The following WNK2 variants were observed in gnomAD, a reference collection of about 807,000 sequenced individuals.
WNK2 encodes serine/threonine-protein kinase WNK2.
WNK2 carries 67 observed loss-of-function variants against 192.1 expected under a neutral mutation model. The observed-to-expected ratio is 0.35, with a 90% CI of 0.29 to 0.43. WNK2 has a LOEUF of 0.43. Ranked by LOEUF, WNK2 falls within the 20% of genes least tolerant of loss-of-function variation. The pLI is 1.00. For synonymous variants in WNK2, 1,439 were observed against 1,393.9 expected (o/e 1.03, Z -0.72); for missense variants, 2,698 against 3,089.7 (o/e 0.87, Z 3.01).
Position 93,185,435 on chromosome 9 carries a change from G to A in WNK2, c.506G>A (p.Arg169His). 1.2e-6 allele frequency: 2 copies of A among 1,611,848 alleles called. No individual in the cohort carries two copies. Among genetic ancestry groups the A allele is most frequent in the Non-Finnish European group, 1.7e-6 (2 of 1,179,556 alleles). The change falls in exon 2 of 30, where the codon CGC becomes CAC. Residue 169 changes from arginine to histidine, a missense_variant. By Grantham distance (29) the Arg-to-His change is conservative. Transcript: ENST00000427277. ...AEAKPEPGRT[R>H]RDEPEEEEDD... ...GCGAAGCCTGAGCCCGGGCGCACTC[G>A]CCGGGACGAGCCCGAAGAGGAGGAG...
chr9:93,189,993 G>T (rs930538785), intron 2 of WNK2, among the ~76,000 whole-genome samples: 1 of 152,208 alleles, frequency 6.6e-6, no homozygotes, highest in South Asian at 2.1e-4. Flanking sequence ...GGCTTGACCC[G>T]ATTTGGCTGG....
chr9:93,284,257 A>G (rs1205450532), intron 19 of WNK2, among the ~76,000 whole-genome samples: 1 of 152,234 alleles, frequency 6.6e-6, no homozygotes, highest in African/African-American at 2.4e-5. Context: ...TAAAATAGGA[A>G]GATAACAGGT....
intron 2 of WNK2, among the ~76,000 whole-genome samples, chr9:93,217,134 T>C (rs371349806): frequency 2.0e-5 from 3 of 152,192 alleles, no homozygotes; most frequent in African/African-American, 7.2e-5. Flanking sequence ...AATTTTTGTA[T>C]TTTTAGTAGA....
chr9:93,292,374 A>T lies in WNK2; in HGVS notation c.5003A>T (p.His1668Leu), dbSNP rs760576973. The T allele has an allele frequency of 5.0e-6, 8 of 1,613,776 alleles. No individual in the cohort carries two copies. In the South Asian group the frequency reaches 8.8e-5, roughly 18 times the overall value. ...GGAAGGCAGGTGGCCTCAGACTCCC[A>T]TGTGGTCCCCAGCGTCCCCCAGGTA... ...RDGRQVASDSHVVPSVPQDVP... is the reference protein window; with the variant it reads ...RDGRQVASDSLVVPSVPQDVP... Residue 1668 changes from histidine to leucine, a missense_variant, in exon 22 of 30, where the codon CAT becomes CTT. Coordinates refer to ENST00000427277, the MANE Select transcript of WNK2 (RefSeq NM_006648.4).
intron 12 of WNK2, among the ~76,000 whole-genome samples, chr9:93,260,189 C>G (rs2895244): frequency 3.9e-5 from 6 of 152,152 alleles, no homozygotes; most frequent in Non-Finnish European, 8.8e-5. Flanking sequence ...AAGGGGCGCT[C>G]TGGAACACAT....
At chr9:93,187,904 C>G (rs1318598813) in intron 2 of WNK2, among the ~76,000 whole-genome samples, 1 of 151,782 alleles carries the variant, frequency 6.6e-6, no homozygotes, top group Admixed American at 6.6e-5. Context: ...GGAGTGTGCT[C>G]CTGGGTGGGA....
chr9:93,248,046 G>C (rs553416275), intron 8 of WNK2, among the ~76,000 whole-genome samples: 5 of 152,234 alleles, frequency 3.3e-5, no homozygotes, highest in African/African-American at 1.2e-4. Flanking sequence ...GGTAGTTTCC[G>C]GGAGTCCTGG....
chr9:93,246,788 G>A (rs1841779527), intron 7 of WNK2, among the ~76,000 whole-genome samples: 1 of 152,220 alleles, frequency 6.6e-6, no homozygotes, highest in South Asian at 2.1e-4. Context: ...TAGGACTGAG[G>A]TGCTCAGGAA....
At chr9:93,260,239 C>A (rs1169643523) in intron 12 of WNK2, among the ~76,000 whole-genome samples, 1 of 152,136 alleles carries the variant, frequency 6.6e-6, no homozygotes, top group Non-Finnish European at 1.5e-5. Flanking sequence ...CCACAGGGAT[C>A]CACACCCCTA....
chr9:93,291,765 C>T (rs1057244198), intron 21 of WNK2, among the ~76,000 whole-genome samples: 1 of 152,206 alleles, frequency 6.6e-6, no homozygotes, highest in African/African-American at 2.4e-5. Flanking sequence ...TCAGCTCAGG[C>T]GAGGCCCCCA....
chr9:93,208,776 TCTGCGGCTGTGTGTGCTCTG>T (rs2131448873), intron 2 of WNK2, among the ~76,000 whole-genome samples: 2 of 120 alleles, frequency 0.017, no homozygotes, highest in Non-Finnish European at 0.023. Context: ...GTGTGTGTGT[TCTGCGGCTGTGTGTGCTCTG>T]CATGTGTGTT....
At position 93,229,584 on chromosome 9, in the gene WNK2, T is replaced by G; in HGVS notation, c.682-112T>G. ...CTTCTATCATAGCCGCTTAGCTGCC[T>G]GTGGGTATGGGAAGGGCTGGTCCTA... On this transcript the variant is annotated intron_variant, in intron 2 of 29. Coordinates refer to ENST00000427277, the MANE Select transcript of WNK2 (RefSeq NM_006648.4). The surrounding 1 kb of genome is among the most constrained non-coding windows in gnomAD (Gnocchi z 4.9). 2 of 1,239,078 alleles carry G rather than the reference T, an allele frequency of 1.6e-6. No individual in the cohort carries two copies. The highest frequency in any genetic ancestry group is 2.2e-6 in the Non-Finnish European group (2 of 901,124). The allele number at this position is 1,239,078 out of a possible 1,614,324, so 76.8% of individuals were successfully genotyped here.
chr9:93,204,806 A>G (rs1314770934), intron 2 of WNK2, among the ~76,000 whole-genome samples: 4 of 151,986 alleles, frequency 2.6e-5, no homozygotes, highest in African/African-American at 7.3e-5. Flanking sequence ...AGGGAGGAAC[A>G]TGGGTGTCTG....
At chr9:93,214,016 T>C (rs1835253459) in intron 2 of WNK2, among the ~76,000 whole-genome samples, 1 of 152,202 alleles carries the variant, frequency 6.6e-6, no homozygotes, top group African/African-American at 2.4e-5. Flanking sequence ...ATGACATTAT[T>C]AAATTGTTCT....
intron 2 of WNK2, among the ~76,000 whole-genome samples, chr9:93,188,885 C>A (rs10992669): frequency 0.46 from 70,496 of 152,060 alleles, 17,376 homozygotes; most frequent in East Asian, 0.56. Flanking sequence ...GTGGCCACCC[C>A]TTGCTCTGCC....
In WNK2 at chr9:93,226,277, C is replaced by T. The variant is rs546968736; in HGVS notation, c.682-3419C>T. Among the ~76,000 whole-genome samples the T allele has an allele frequency of 5.4e-4, 82 of 152,322 alleles. 1 individual carries two copies. The highest frequency in any genetic ancestry group is 3.4e-3 in the Middle Eastern group (1 of 294). On this transcript the variant is annotated intron_variant, in intron 2 of 29. Transcript: ENST00000427277. ...CTTGGTGGGCCATTTTCTTCTAAAT[C>T]GTTCTCCTTCCAGCTCAGGGAAATG...
rs145516993 is a variant in WNK2 at position 93,282,487 on chromosome 9, C to T, written c.4034-6301C>T. ...TGAAAAAAAAAAAACAGAACAAAGA[C>T]ATAAGATTATAAAAAGATTAAGAGT... On this transcript the variant is annotated intron_variant, in intron 19 of 29. Coordinates refer to ENST00000427277, the MANE Select transcript of WNK2 (RefSeq NM_006648.4). Among the ~76,000 whole-genome samples, 389 of 147,272 alleles carry T rather than the reference C, an allele frequency of 2.6e-3. 3 individuals carry two copies. Among genetic ancestry groups the T allele is most frequent in the African/African-American group, 8.9e-3 (359 of 40,194 alleles).
At position 93,256,412 on chromosome 9, in the gene WNK2, C is replaced by A; in HGVS notation, c.2148C>A (p.Pro716=). Residue 716 remains proline, a synonymous_variant, in exon 10 of 30, where the codon CCC becomes CCA. Coordinates refer to ENST00000427277, the MANE Select transcript of WNK2 (RefSeq NM_006648.4). ...CCGTGCTGCCGCCGCCCAGCACCCC[C>A]ATGCCCACGGGCCCAGGCCAGCCAG... is the stretch of plus-strand genomic sequence containing the variant. ...FAPVLPPPST[P]MPTGPGQPAP... 6.5e-7 allele frequency: 1 copy of A among 1,542,970 alleles called. No individual in the cohort carries two copies. Among genetic ancestry groups the A allele is most frequent in the Non-Finnish European group, 8.7e-7 (1 of 1,149,950 alleles).
At position 93,257,331 on chromosome 9, in the gene WNK2, G is replaced by A. The variant is rs1009452008; in HGVS notation, c.2382+192G>A. 3.9e-5 allele frequency among the ~76,000 whole-genome samples: 6 copies of A among 152,116 alleles called. No individual in the cohort carries two copies. In the East Asian group the frequency reaches 5.8e-4, roughly 15 times the overall value. On this transcript the variant is annotated intron_variant, in intron 11 of 29. Coordinates refer to ENST00000427277, the MANE Select transcript of WNK2 (RefSeq NM_006648.4). This position sits in a 1 kb window ranked among gnomAD's most constrained non-coding sequence, Gnocchi z 4.7. ...GTGCACAGTCATATGCACCAGGAACGCTCCAGGGTCCCACACAACCAGCCA... is the reference window on the plus strand; with the variant it reads ...GTGCACAGTCATATGCACCAGGAACACTCCAGGGTCCCACACAACCAGCCA...
Sources: gnomAD v4.1 joint callset for allele counts (sites outside exome capture counted in the v4.1 genomes callset) on GRCh38, gnomAD v4.1.1 for gene constraint, Gnocchi (gnomAD v3.1) non-coding constraint, MANE v1.5 for transcripts, NCBI Gene and HGNC (gene_info 2026-07-23, HGNC 2026-07-21) for gene names.